Variants in SPINDOC observed in about 807,000 individuals in gnomAD.
SPINDOC encodes spindlin interactor and repressor of chromatin-binding protein.
In SPINDOC, 13 loss-of-function variants were observed where a neutral mutation model predicts 30.7. The ratio of observed to expected loss-of-function variants is 0.42; its 90% CI spans 0.28 to 0.67. The LOEUF is 0.67. SPINDOC is among the 30% of genes least tolerant of loss of function. The pLI is 0.22. For synonymous variants in SPINDOC, 228 were observed against 211.4 expected (o/e 1.08, Z -0.68); for missense variants, 438 against 518.0 (o/e 0.85, Z 1.50).
rs370246179 is a variant in SPINDOC at position 63,826,979 on chromosome 11, G to A, written c.986G>A (p.Arg329Gln). 1.1e-5 allele frequency: 17 copies of A among 1,612,414 alleles called. No individual in the cohort carries two copies. Among genetic ancestry groups the A allele is most frequent in the African/African-American group, 2.7e-5 (2 of 75,016 alleles). The change falls in exon 6 of 6, where the codon CGG becomes CAG. Residue 329 changes from arginine to glutamine, a missense_variant. Physicochemically the swap from Arg to Gln is conservative, Grantham distance 43. Transcript: ENST00000294244. ...GTLDLQVIRV[R>Q]MEEPPAVSLL... is the part of the protein sequence containing the mutation. ...CTGGATCTCCAGGTTATCCGCGTGC[G>A]GATGGAGGAGCCCCCAGCGGTCAGC...
At chr11:63,814,542 G>GT (rs2015288546) in intron 1 of SPINDOC, among the ~76,000 whole-genome samples, 2 of 152,130 alleles carry the variant, frequency 1.3e-5, no homozygotes, top group Non-Finnish European at 2.9e-5. Flanking sequence ...CTTGCAAACC[G>GT]TAAGAAAACA....
At chr11:63,822,356 TA>T (rs753315518) in intron 5 of SPINDOC, among the ~76,000 whole-genome samples, 3,672 of 58,814 alleles carry the variant, frequency 0.062, 111 homozygotes, top group African/African-American at 0.18. Context: ...CTAGACTGTC[TA>T]AAAAAAAAAA....
intron 5 of SPINDOC, chr11:63,823,080 C>T (rs961936616): frequency 2.1e-5 from 26 of 1,225,074 alleles, no homozygotes; most frequent in African/African-American, 3.1e-5. Flanking sequence ...GAGGGAGGCA[C>T]CCTGGGAGAT....
intron 1 of SPINDOC, among the ~76,000 whole-genome samples, chr11:63,815,893 G>A (rs532407609): frequency 2.6e-5 from 4 of 151,982 alleles, no homozygotes; most frequent in South Asian, 2.1e-4. Flanking sequence ...TCAACCTCCC[G>A]AGTAACTGGG....
In SPINDOC at chr11:63,826,948, G is replaced by A. The variant is rs775716242; in HGVS notation, c.955G>A (p.Gly319Arg). The change falls in exon 6 of 6, where the codon GGG (glycine) becomes AGG (arginine). Residue 319 changes from glycine to arginine, a missense_variant. This residue lies in a region of SPINDOC where 300 missense variants were observed against 332.8 expected (regional missense o/e 0.90). Transcript: ENST00000294244. ...CCCAGCTCCCCCTCCGGGGCTCCGC[G>A]GGACACTGGATCTCCAGGTTATCCG... is the stretch of plus-strand genomic sequence containing the variant. Reference protein sequence around the residue: ...PSPAPPPGLRGTLDLQVIRVR... With the variant: ...PSPAPPPGLRRTLDLQVIRVR... 4.4e-6 allele frequency: 7 copies of A among 1,583,262 alleles called. No individual in the cohort carries two copies. The highest frequency in any genetic ancestry group is 1.1e-5 in the South Asian group (1 of 90,316).
chr11:63,825,937 T>C (rs2015645099), intron 5 of SPINDOC, among the ~76,000 whole-genome samples: 1 of 151,150 alleles, frequency 6.6e-6, no homozygotes, highest in Admixed American at 6.6e-5. Flanking sequence ...CCTTTCAATG[T>C]AATGTAACTT....
Position 63,818,532 on chromosome 11 carries a change from C to T in SPINDOC, c.613C>T (p.Pro205Ser). The change falls in exon 4 of 6, where the codon CCT (proline) becomes TCT (serine). Residue 205 changes from proline to serine, a missense_variant. Physicochemically the swap from Pro to Ser is moderately conservative, Grantham distance 74. Transcript: ENST00000294244. This position sits in a 1 kb window ranked among gnomAD's most constrained non-coding sequence, Gnocchi z 5.3. Reference protein sequence around the residue: ...GLRPLELPAVPATEPGNKKPR... With the variant: ...GLRPLELPAVSATEPGNKKPR... ...GAGGTCTTTTCTTTTTGCAGCTGTC[C>T]CTGCCACAGAGCCAGGAAATAAGAA... 1.2e-6 allele frequency: 2 copies of T among 1,611,872 alleles called. No homozygotes were observed. The highest frequency in any genetic ancestry group is 1.7e-6 in the Non-Finnish European group (2 of 1,179,860).
At chr11:63,823,441 G>T (rs1590936917) in intron 5 of SPINDOC, 1 of 698,636 alleles carries the variant, frequency 1.4e-6, no homozygotes, top group South Asian at 2.1e-5. Flanking sequence ...CTGAGCTGAT[G>T]AATGTGAATG....
Position 63,827,234 on chromosome 11 carries a change from A to C in SPINDOC, c.*95A>C, listed in dbSNP as rs2015677101. ...CCTGGCTCACCCACCTGGTGGAGAG[A>C]GTAGAAACAGGTGCCAGGGCAGGAG... On this transcript the variant is annotated 3_prime_UTR_variant, in exon 6 of 6. Transcript: ENST00000294244. 4 of 1,528,174 alleles carry C rather than the reference A, an allele frequency of 2.6e-6. No homozygotes were observed. Among genetic ancestry groups the C allele is most frequent in the Non-Finnish European group, 1.8e-6 (2 of 1,136,432 alleles). The allele number at this position is 1,528,174 out of a possible 1,614,324, so 94.7% of individuals were successfully genotyped here. A position where few individuals can be genotyped will look rare whatever the true frequency, so the allele number is the denominator to read the frequency against.
chr11:63,821,102 G>A (rs1217284188), intron 5 of SPINDOC, among the ~76,000 whole-genome samples: 1 of 152,090 alleles, frequency 6.6e-6, no homozygotes, highest in African/African-American at 2.4e-5. Flanking sequence ...GAGGTCAGAG[G>A]TCCAAAATGG....
At chr11:63,826,243 A>C (rs2015652616) in intron 5 of SPINDOC, among the ~76,000 whole-genome samples, 2 of 152,134 alleles carry the variant, frequency 1.3e-5, no homozygotes, top group African/African-American at 4.8e-5. Flanking sequence ...GCCCTAATGT[A>C]ACGTAACCTT....
chr11:63,813,944 C>A, intron 1 of SPINDOC, 131 bp downstream of exon 1: 1 of 1,207,478 alleles, frequency 8.3e-7, no homozygotes. Context: ...GTTTCCCTCT[C>A]GGATCTGGGT....
Position 63,818,988 on chromosome 11 carries a change from A to G in SPINDOC, c.920A>G (p.Glu307Gly), listed in dbSNP as rs2015433203. Residue 307 changes from glutamate to glycine, a missense_variant, in exon 5 of 6, where the codon GAG becomes GGG. Glu to Gly is a moderately conservative substitution (Grantham distance 98). Coordinates refer to ENST00000294244, the MANE Select transcript of SPINDOC (RefSeq NM_138471.3). The surrounding 1 kb of genome is among the most constrained non-coding windows in gnomAD (Gnocchi z 5.3). Reference protein sequence around the residue: ...EVAEGGLPRAESPSPAPPPGL... With the variant: ...EVAEGGLPRAGSPSPAPPPGL... ...GCAGAAGGAGGCCTTCCCCGGGCGG[A>G]GAGCCCCTCTCCAGGTGAGCCCTCC... 6.2e-7 allele frequency: 1 copy of G among 1,613,724 alleles called. No individual in the cohort carries two copies.
chr11:63,821,972 C>T (rs537150820), intron 5 of SPINDOC, among the ~76,000 whole-genome samples: 9 of 152,282 alleles, frequency 5.9e-5, no homozygotes, highest in South Asian at 4.1e-4. Context: ...TAGTCTCCAA[C>T]TCCTGGGTGC....
intron 5 of SPINDOC, among the ~76,000 whole-genome samples, chr11:63,820,432 T>G (rs2015482118): frequency 6.7e-6 from 1 of 149,398 alleles, no homozygotes; most frequent in Non-Finnish European, 1.5e-5. Context: ...TTACATACAG[T>G]TTATTTGGCC....
chr11:63,824,562 C>T (rs867688926), intron 5 of SPINDOC, among the ~76,000 whole-genome samples: 6 of 152,020 alleles, frequency 3.9e-5, no homozygotes, highest in Middle Eastern at 6.8e-3. Context: ...GGGTCAGTGT[C>T]GGTACTCGCT....
intron 5 of SPINDOC, 79 bp downstream of exon 5, chr11:63,819,081 A>G (rs1171555789): frequency 2.8e-5 from 13 of 457,600 alleles, no homozygotes; most frequent in East Asian, 8.4e-5. Context: ...AGGCTGCTCT[A>G]TGGCAGAGCC....
intron 5 of SPINDOC, among the ~76,000 whole-genome samples, chr11:63,820,994 A>G (rs2015505242): frequency 6.6e-6 from 1 of 151,688 alleles, no homozygotes; most frequent in East Asian, 1.9e-4. Context: ...CAAGGCTGCA[A>G]TGAGCTATGA....
chr11:63,820,688 G>C (rs992989269), intron 5 of SPINDOC, among the ~76,000 whole-genome samples: 1 of 151,058 alleles, frequency 6.6e-6, no homozygotes. Context: ...TCAGGAGATC[G>C]AGACCATCCT....
Sources: allele counts gnomAD v4.1 joint callset (sites outside exome capture counted in the v4.1 genomes callset), GRCh38; gene constraint gnomAD v4.1.1; regional missense constraint gnomAD v4.1.1; non-coding constraint Gnocchi (gnomAD v3.1); transcripts MANE v1.5; gene names NCBI Gene and HGNC (gene_info 2026-07-23, HGNC 2026-07-21).